Variants in MDH2 observed in about 807,000 individuals in gnomAD.
MDH2 encodes the protein malate dehydrogenase 2, also known as malate dehydrogenase, mitochondrial.
A neutral mutation model predicts 33.6 loss-of-function variants in MDH2; 25 were observed. The ratio of observed to expected loss-of-function variants is 0.74; its 90% CI spans 0.54 to 1.04. The LOEUF is 1.04. Among genes scored for constraint, MDH2 ranks in the 50% least tolerant of loss-of-function variants. The probability of loss-of-function intolerance (pLI) is 0.00; values close to 1 mark genes in which losing one functional copy is unlikely to be tolerated. For synonymous variants in MDH2, 193 were observed against 188.7 expected, an observed-to-expected ratio of 1.02 and a Z score of -0.19; for missense variants, 432 against 445.0, an observed-to-expected ratio of 0.97 and a Z score of 0.26.
chr7:76,048,260 G>A, intron 1 of MDH2, 34 bp downstream of exon 1: 1 of 1,525,808 alleles, frequency 6.6e-7, no homozygotes, highest in South Asian at 1.2e-5. Context: ...GCAGGCGGAG[G>A]CCCCCCGGCC....
At position 76,054,864 on chromosome 7, in the gene MDH2, G is replaced by A; in HGVS notation, c.101G>A (p.Gly34Glu). The A allele has an allele frequency of 9.9e-6, 16 of 1,614,146 alleles. No homozygotes were observed. The highest frequency in any genetic ancestry group is 1.2e-5 in the Non-Finnish European group (14 of 1,180,024). ...AAAGTAGCTGTGCTAGGGGCCTCTG[G>A]AGGCATCGGGCAGCCACTTTCACTT... ...NAKVAVLGAS[G>E]GIGQPLSLLL... The change falls in exon 2 of 9, where the codon GGA becomes GAA. Residue 34 changes from glycine to glutamate, a missense_variant. By Grantham distance (98) the Gly-to-Glu change is moderately conservative. Transcript: ENST00000315758.
At position 76,066,961 on chromosome 7, in the gene MDH2, C is replaced by T. The variant is rs1798111987; in HGVS notation, c.*551C>T. The T allele has an allele frequency of 6.6e-6, 1 of 152,260 alleles. No individual in the cohort carries two copies. The highest frequency in any genetic ancestry group is 2.4e-5 in the African/African-American group (1 of 41,450). 9.4% of individuals were successfully genotyped at this position (152,260 alleles called of 1,614,324 possible). A position where few individuals can be genotyped will look rare whatever the true frequency, so the allele number is the denominator to read the frequency against. On this transcript the variant is annotated 3_prime_UTR_variant, in exon 9 of 9. Transcript: ENST00000315758. ...AGCTTCCTCTACTGACCTCTGTCCCCCTTGGGATTTCATCTTCTGACCGAA... is the reference window on the plus strand; with the variant it reads ...AGCTTCCTCTACTGACCTCTGTCCCTCTTGGGATTTCATCTTCTGACCGAA...
Position 76,048,221 on chromosome 7 carries a change from GC to G in MDH2, c.64del (p.Gln22ArgfsTer6). 1 of 1,534,804 alleles carries G rather than the reference GC, an allele frequency of 6.5e-7. No individual in the cohort carries two copies. Among genetic ancestry groups the G allele is most frequent in the Non-Finnish European group, 8.7e-7 (1 of 1,146,230 alleles). ...TCTCCGCCGCAGCTTCAGCACCTCG[GC>G]CCAGGTAGGCCAGACGAGGGGCGGC... ...AALRRSFSTS[A>X]QNNAKVAVLG... On this transcript the variant is annotated frameshift_variant, in exon 1 of 9. Coordinates refer to ENST00000315758, the MANE Select transcript of MDH2 (RefSeq NM_005918.4). LOFTEE classifies it high-confidence loss of function.
rs1798096459 is a variant in MDH2 at position 76,066,340 on chromosome 7, T to A, written c.947T>A (p.Ile316Asn). The change falls in exon 9 of 9, where the codon ATC becomes AAC. Residue 316 changes from isoleucine (I) to asparagine (N), a missense_variant. Transcript: ENST00000315758. ...GKVSSFEEKM[I>N]SDAIPELKAS... ...GTCTCCTCTTTTGAGGAGAAGATGA[T>A]CTCGGATGCCATCCCCGAGCTGAAG... 6.2e-7 allele frequency: 1 copy of A among 1,610,598 alleles called. No individual in the cohort carries two copies. The highest frequency in any genetic ancestry group is 8.5e-7 in the Non-Finnish European group (1 of 1,179,074).
intron 7 of MDH2, among the ~76,000 whole-genome samples, 167 bp downstream of exon 7, chr7:76,064,605 T>C (rs2116701403): frequency 6.6e-6 from 1 of 152,282 alleles, no homozygotes; most frequent in East Asian, 1.9e-4. Flanking sequence ...GCCTGCTTTG[T>C]GGGGTTGAGA....
At chr7:76,054,246 CTT>C (rs71965203) in intron 1 of MDH2, among the ~76,000 whole-genome samples, 26,683 of 152,026 alleles carry the variant, frequency 0.18, 2,616 homozygotes, top group East Asian at 0.29. Context: ...CCTTCCACCT[CTT>C]GTTAGGCAGC....
chr7:76,060,196 C>T (rs1160397345), intron 4 of MDH2, among the ~76,000 whole-genome samples, 177 bp from the exon 5 acceptor site: 1 of 152,238 alleles, frequency 6.6e-6, no homozygotes, highest in Admixed American at 6.5e-5. Context: ...ATGGTGCGGC[C>T]TGTCCTTTCT....
intron 5 of MDH2, among the ~76,000 whole-genome samples, chr7:76,061,617 G>A (rs1267630811): frequency 2.6e-5 from 4 of 151,858 alleles, no homozygotes; most frequent in African/African-American, 9.7e-5. Flanking sequence ...TCCAGCCTGC[G>A]TGACAGAGCA....
chr7:76,054,761 T>C (rs1554585936), intron 1 of MDH2, 69 bp from the exon 2 acceptor site: 11 of 1,575,906 alleles, frequency 7.0e-6, no homozygotes, highest in African/African-American at 1.4e-5. Context: ...TGCAACATTA[T>C]AGGATACCAT....
chr7:76,065,879 C>G (rs781789114), intron 8 of MDH2, among the ~76,000 whole-genome samples: 1 of 152,172 alleles, frequency 6.6e-6, no homozygotes. Context: ...GAGACAAGAA[C>G]CCAGAAACAG....
intron 2 of MDH2, among the ~76,000 whole-genome samples, chr7:76,056,014 G>A (rs1554586237): frequency 6.6e-6 from 1 of 152,050 alleles, no homozygotes; most frequent in East Asian, 1.9e-4. Flanking sequence ...TTTTAGTAGA[G>A]ATGGGGTTTC....
At chr7:76,061,765 G>C (rs1273630701) in intron 5 of MDH2, among the ~76,000 whole-genome samples, 2 of 151,800 alleles carry the variant, frequency 1.3e-5, no homozygotes, top group Admixed American at 6.6e-5. Context: ...ACCTCCAGAG[G>C]CGCAGCCCCT....
Position 76,057,464 on chromosome 7 carries a change from T to C in MDH2, c.290T>C (p.Val97Ala). Reference sequence around the variant, plus strand: ...TGCCTGAAAGGTTGTGATGTGGTAGTTATTCCGGCTGGAGTCCCCAGAAAG... The same window carrying C: ...TGCCTGAAAGGTTGTGATGTGGTAGCTATTCCGGCTGGAGTCCCCAGAAAG... ...PDCLKGCDVV[V>A]IPAGVPRKPG... The change falls in exon 3 of 9, where the codon GTT becomes GCT. Residue 97 changes from valine to alanine, a missense_variant. By Grantham distance (64) the Val-to-Ala change is moderately conservative. Transcript: ENST00000315758. The C allele has an allele frequency of 1.9e-6, 3 of 1,614,180 alleles. No homozygotes were observed. The highest frequency in any genetic ancestry group is 1.7e-6 in the Non-Finnish European group (2 of 1,180,028).
rs782168741 is a variant in MDH2 at position 76,058,110 on chromosome 7, A to G, written c.429+32A>G. ...GTGGCAGCACCCGGCTCTTGCAGCT[A>G]TGGCAGGTGTTTAGGTGCTGACAGT... On this transcript the variant is annotated intron_variant, in intron 4 of 8. Transcript: ENST00000315758. The G allele has an allele frequency of 6.3e-6, 10 of 1,590,052 alleles. No homozygotes were observed. In the East Asian group the frequency reaches 9.0e-5, roughly 14 times the overall value.
rs1585412033 is a variant in MDH2 at position 76,063,541 on chromosome 7, C to G, written c.582C>G (p.Val194=). The G allele has an allele frequency of 6.2e-7, 1 of 1,614,242 alleles. No homozygotes were observed. Among genetic ancestry groups the G allele is most frequent in the Non-Finnish European group, 8.5e-7 (1 of 1,180,042 alleles). The part of the protein sequence containing the change: ...LKGLDPARVN[V]PVIGGHAGKT... ...GTTTGGATCCAGCTCGAGTCAACGT[C>G]CCTGTCATTGGTGGCCATGCTGGGA... The change falls in exon 6 of 9, where the codon GTC becomes GTG. Residue 194 remains valine (V), a synonymous_variant. Coordinates refer to ENST00000315758, the MANE Select transcript of MDH2 (RefSeq NM_005918.4).
chr7:76,059,752 G>A (rs1365434604), intron 4 of MDH2, among the ~76,000 whole-genome samples: 1 of 152,182 alleles, frequency 6.6e-6, no homozygotes, highest in African/African-American at 2.4e-5. Flanking sequence ...GCTCCTCAGG[G>A]TGGTGGGTCA....
chr7:76,066,490 T>C lies in MDH2; in HGVS notation c.*80T>C, dbSNP rs142499068. Reference sequence around the variant, plus strand: ...AAAGCCGTTGCAGATAAACTTTGTATTTTAATTTGCTTTGGTGATGATTAC... The same window carrying C: ...AAAGCCGTTGCAGATAAACTTTGTACTTTAATTTGCTTTGGTGATGATTAC... On this transcript the variant is annotated 3_prime_UTR_variant, in exon 9 of 9. Transcript: ENST00000315758. 7.2e-4 allele frequency: 1,071 copies of C among 1,493,936 alleles called. 4 individuals are homozygous for C. The African/African-American group carries it at 0.013, about 19-fold the overall frequency. The allele number at this position is 1,493,936 out of a possible 1,614,324, so 92.5% of individuals were successfully genotyped here.
Position 76,067,400 on chromosome 7 carries a change from G to A in MDH2, c.*990G>A, listed in dbSNP as rs1461167159. On this transcript the variant is annotated 3_prime_UTR_variant, in exon 9 of 9. Transcript: ENST00000315758. ...TTTTTAAAAAAGCTAAAATGGAAATGGATTTTATCATAAAGGATGACATCG... is the reference window on the plus strand; with the variant it reads ...TTTTTAAAAAAGCTAAAATGGAAATAGATTTTATCATAAAGGATGACATCG... 6.6e-6 allele frequency: 1 copy of A among 152,092 alleles called. No homozygotes were observed. The highest frequency in any genetic ancestry group is 1.5e-5 in the Non-Finnish European group (1 of 68,014). 9.4% of individuals were successfully genotyped at this position (152,092 alleles called of 1,614,324 possible). A position where few individuals can be genotyped will look rare whatever the true frequency, so the allele number is the denominator to read the frequency against.
At chr7:76,048,987 G>GTGGGC (rs1554584793) in intron 1 of MDH2, 1 of 36,190 alleles carries the variant, frequency 2.8e-5, no homozygotes, top group Non-Finnish European at 4.5e-5. Context: ...ACTGCGGGGG[G>GTGGGC]GGGGGGGGGG....
Sources: allele counts gnomAD v4.1 joint callset (sites outside exome capture counted in the v4.1 genomes callset), GRCh38; gene constraint gnomAD v4.1.1; transcripts MANE v1.5; gene names NCBI Gene and HGNC (gene_info 2026-07-23, HGNC 2026-07-21).